LUZP2: variants seen among roughly 807,000 people sequenced by gnomAD.
LUZP2 encodes the protein leucine zipper protein 2.
Under a neutral mutation model 51.6 loss-of-function variants are expected in LUZP2, and 52 were observed. The ratio of observed to expected loss-of-function variants is 1.01; its 90% CI spans 0.81 to 1.27. The LOEUF (loss-of-function observed/expected upper bound fraction) is 1.27, where lower values mean the gene tolerates loss of function less well. LUZP2 is among the 50% of genes most tolerant of loss of function. The pLI is 0.00. For missense variants in LUZP2, 436 were observed against 395.4 expected (o/e 1.10, Z -0.87); for synonymous variants, 154 against 137.3 (o/e 1.12, Z -0.85).
At chr11:24,604,540 G>C (rs1853846951) in intron 1 of LUZP2, among the ~76,000 whole-genome samples, 1 of 151,660 alleles carries the variant, frequency 6.6e-6, no homozygotes, top group East Asian at 1.9e-4. Context: ...TTATTCTATT[G>C]AGAAAGTGAA....
chr11:24,590,697 T>C (rs1194740829), intron 1 of LUZP2, among the ~76,000 whole-genome samples: 1 of 152,182 alleles, frequency 6.6e-6, no homozygotes, highest in South Asian at 2.1e-4. Context: ...AAGGCAGCAC[T>C]TCAAAAAGGT....
chr11:24,894,100 C>A (rs1852943900), intron 5 of LUZP2, among the ~76,000 whole-genome samples: 2 of 151,118 alleles, frequency 1.3e-5, no homozygotes, highest in South Asian at 2.1e-4. Flanking sequence ...ACAGAGAAGT[C>A]AATGAATATC....
chr11:24,723,633 C>G (rs1211250228), intron 1 of LUZP2, among the ~76,000 whole-genome samples: 1 of 152,106 alleles, frequency 6.6e-6, no homozygotes, highest in Non-Finnish European at 1.5e-5. Flanking sequence ...CAAGACCCTG[C>G]TGGGAAACAT....
At chr11:25,014,125 A>C (rs1225432022) in intron 9 of LUZP2, among the ~76,000 whole-genome samples, 3 of 152,182 alleles carry the variant, frequency 2.0e-5, no homozygotes, top group East Asian at 3.8e-4. Flanking sequence ...TATATGTGCC[A>C]CATTTTCTTA....
chr11:24,969,724 G>A (rs1855691258), intron 7 of LUZP2, among the ~76,000 whole-genome samples: 1 of 152,158 alleles, frequency 6.6e-6, no homozygotes, highest in Non-Finnish European at 1.5e-5. Context: ...TAGAGTGATT[G>A]CTTTAAGAAA....
intron 1 of LUZP2, among the ~76,000 whole-genome samples, chr11:24,519,241 C>A (rs1850566477): frequency 6.6e-6 from 1 of 152,028 alleles, no homozygotes; most frequent in Non-Finnish European, 1.5e-5. Context: ...GACTTCAGAC[C>A]ATTAGGATTG....
chr11:24,855,122 C>A (rs1851519405), intron 5 of LUZP2, among the ~76,000 whole-genome samples: 1 of 152,138 alleles, frequency 6.6e-6, no homozygotes, highest in African/African-American at 2.4e-5. Context: ...TACTGAAAGT[C>A]CTAGCCAGAG....
chr11:24,813,917 C>G (rs2134141450), intron 5 of LUZP2, among the ~76,000 whole-genome samples: 1 of 152,324 alleles, frequency 6.6e-6, no homozygotes, highest in Non-Finnish European at 1.5e-5. Context: ...TTCAGAACTT[C>G]CCTGTGCCTC....
chr11:24,882,991 G>GAAAGA (rs371250500), intron 5 of LUZP2, among the ~76,000 whole-genome samples: 38 of 140,770 alleles, frequency 2.7e-4, no homozygotes, highest in South Asian at 2.2e-3. Flanking sequence ...AGGAAGGAAG[G>GAAAGA]AAAGAAAAGA....
intron 5 of LUZP2, among the ~76,000 whole-genome samples, chr11:24,799,967 C>A (rs1036112194): frequency 2.6e-5 from 4 of 152,096 alleles, no homozygotes; most frequent in Non-Finnish European, 5.9e-5. Context: ...GTGCTTAATT[C>A]TTTTAGCTAA....
intron 7 of LUZP2, among the ~76,000 whole-genome samples, chr11:24,919,665 C>G (rs922063086): frequency 6.7e-6 from 1 of 148,444 alleles, no homozygotes; most frequent in African/African-American, 2.5e-5. Flanking sequence ...TACATGCATA[C>G]ATATATATAT....
chr11:24,568,410 CTT>C (rs944794535), intron 1 of LUZP2, among the ~76,000 whole-genome samples: 1 of 147,020 alleles, frequency 6.8e-6, no homozygotes, highest in African/African-American at 2.5e-5. Context: ...ACAAAATAGA[CTT>C]TTTTAGGAGA....
intron 5 of LUZP2, among the ~76,000 whole-genome samples, chr11:24,810,217 A>G (rs557688347): frequency 2.0e-5 from 3 of 152,318 alleles, no homozygotes; most frequent in East Asian, 3.9e-4. Flanking sequence ...ACACACACAC[A>G]TATACATATA....
chr11:24,995,445 G>T (rs970145291), intron 9 of LUZP2, among the ~76,000 whole-genome samples: 2 of 151,928 alleles, frequency 1.3e-5, no homozygotes, highest in African/African-American at 4.8e-5. Flanking sequence ...ATGAAATTGA[G>T]AAAAAATGCT....
At chr11:24,931,910 T>C (rs1854467515) in intron 7 of LUZP2, among the ~76,000 whole-genome samples, 1 of 152,204 alleles carries the variant, frequency 6.6e-6, no homozygotes, top group African/African-American at 2.4e-5. Flanking sequence ...GATCTGGGGT[T>C]CAGGGGTTAC....
At chr11:24,858,611 A>C (rs117105920) in intron 5 of LUZP2, among the ~76,000 whole-genome samples, 1 of 152,228 alleles carries the variant, frequency 6.6e-6, no homozygotes, top group Non-Finnish European at 1.5e-5. Flanking sequence ...AAAGAAACTT[A>C]ATAATCCATA....
intron 1 of LUZP2, among the ~76,000 whole-genome samples, chr11:24,514,754 C>T (rs1435286729): frequency 1.3e-5 from 2 of 152,020 alleles, no homozygotes; most frequent in South Asian, 4.2e-4. Context: ...TTTATCAGGG[C>T]AATTGTTAAA....
intron 5 of LUZP2, among the ~76,000 whole-genome samples, chr11:24,814,438 T>C (rs1005425579): frequency 2.6e-5 from 4 of 152,302 alleles, no homozygotes; most frequent in African/African-American, 9.6e-5. Flanking sequence ...ATGTATGTGG[T>C]CCTTGAGGGC....
At chr11:24,933,521 C>A (rs1854511787) in intron 7 of LUZP2, among the ~76,000 whole-genome samples, 1 of 152,174 alleles carries the variant, frequency 6.6e-6, no homozygotes, top group South Asian at 2.1e-4. Context: ...CTATCAGGCA[C>A]TGAGAAAATT....
Sources: gnomAD v4.1 joint callset for allele counts (sites outside exome capture counted in the v4.1 genomes callset) on GRCh38, gnomAD v4.1.1 for gene constraint, MANE v1.5 for transcripts, NCBI Gene and HGNC (gene_info 2026-07-23, HGNC 2026-07-21) for gene names.